Variants in BMPR1B observed in about 807,000 individuals in gnomAD.
BMPR1B encodes the protein bone morphogenetic protein receptor type 1B, also known as bone morphogenetic protein receptor type-1B.
In BMPR1B, 12 loss-of-function variants were observed where a neutral mutation model predicts 59.1. The observed-to-expected ratio is 0.20, with a 90% confidence interval of 0.13 to 0.33. BMPR1B has a LOEUF of 0.33. Ranked by LOEUF, BMPR1B falls within the 10% of genes least tolerant of loss-of-function variation. The probability of loss-of-function intolerance (pLI) is 1.00; values close to 1 mark genes in which losing one functional copy is unlikely to be tolerated. For synonymous variants in BMPR1B, 237 were observed against 207.3 expected (o/e 1.14, Z -1.23); for missense variants, 550 against 610.9 (o/e 0.90, Z 1.05).
chr4:95,147,064 GT>G (rs1734702676), intron 10 of BMPR1B, among the ~76,000 whole-genome samples: 2 of 151,842 alleles, frequency 1.3e-5, no homozygotes. Context: ...CATCTGTTTT[GT>G]TTTTTAATTA....
chr4:94,927,730 C>G (rs1031253956), intron 2 of BMPR1B, among the ~76,000 whole-genome samples: 1 of 152,052 alleles, frequency 6.6e-6, no homozygotes, highest in Admixed American at 6.6e-5. Flanking sequence ...AGGGGAGAAC[C>G]ATTGAAAGCT....
chr4:94,902,865 T>C (rs980953194), intron 2 of BMPR1B, among the ~76,000 whole-genome samples: 10 of 152,016 alleles, frequency 6.6e-5, no homozygotes, highest in African/African-American at 2.4e-4. Context: ...TTCTTTGTTT[T>C]GCTTATTCTC....
intron 3 of BMPR1B, among the ~76,000 whole-genome samples, chr4:95,049,453 T>G (rs1726292129): frequency 2.0e-5 from 2 of 98,398 alleles, no homozygotes; most frequent in South Asian, 6.9e-4. Context: ...TTTTTTTTTT[T>G]TTTTTTTTTT....
intron 2 of BMPR1B, among the ~76,000 whole-genome samples, chr4:94,953,162 G>A (rs564319202): frequency 3.3e-5 from 5 of 152,124 alleles, no homozygotes; most frequent in South Asian, 2.1e-4. Flanking sequence ...GTCTCTGCAC[G>A]TGAGATGGGT....
At chr4:95,119,843 G>A (rs1364692604) in intron 6 of BMPR1B, among the ~76,000 whole-genome samples, 1 of 152,048 alleles carries the variant, frequency 6.6e-6, no homozygotes, top group Non-Finnish European at 1.5e-5. Context: ...AATTCATAGT[G>A]GATTTTTGTT....
intron 1 of BMPR1B, among the ~76,000 whole-genome samples, chr4:94,786,116 C>T (rs541700471): frequency 2.6e-5 from 4 of 152,080 alleles, no homozygotes; most frequent in East Asian, 1.9e-4. Context: ...CATAATAATT[C>T]GGGTATTATG....
chr4:94,843,998 CA>C (rs1725209901), intron 1 of BMPR1B, among the ~76,000 whole-genome samples: 3 of 91,498 alleles, frequency 3.3e-5, no homozygotes, highest in African/African-American at 1.3e-4. Context: ...TGGTGGTCCC[CA>C]GGGGCTGGGG....
chr4:94,827,144 C>G (rs1311317832), intron 1 of BMPR1B, among the ~76,000 whole-genome samples: 1 of 152,040 alleles, frequency 6.6e-6, no homozygotes, highest in Non-Finnish European at 1.5e-5. Context: ...TCATCCCCCT[C>G]TGTGTCTCTC....
chr4:94,903,864 G>A (rs1370990487), intron 2 of BMPR1B, among the ~76,000 whole-genome samples: 1 of 151,964 alleles, frequency 6.6e-6, no homozygotes, highest in Non-Finnish European at 1.5e-5. Flanking sequence ...AAGCAGCCCT[G>A]TGGACACCTT....
At chr4:94,974,984 A>G (rs1730958306) in intron 2 of BMPR1B, among the ~76,000 whole-genome samples, 1 of 152,216 alleles carries the variant, frequency 6.6e-6, no homozygotes, top group Non-Finnish European at 1.5e-5. Context: ...GACAGATTAC[A>G]CATAGCCCAA....
intron 1 of BMPR1B, among the ~76,000 whole-genome samples, chr4:94,844,979 G>GA (rs886396724): frequency 6.6e-6 from 1 of 152,080 alleles, no homozygotes; most frequent in Non-Finnish European, 1.5e-5. Flanking sequence ...GAGTAAAGAG[G>GA]AAAAATTAAA....
At chr4:94,993,240 A>G (rs1312287074) in intron 2 of BMPR1B, among the ~76,000 whole-genome samples, 1 of 152,032 alleles carries the variant, frequency 6.6e-6, no homozygotes, top group East Asian at 1.9e-4. Flanking sequence ...TGGCAGTTGA[A>G]TGGGTAGTTT....
intron 3 of BMPR1B, among the ~76,000 whole-genome samples, chr4:95,096,497 C>T (rs180750655): frequency 1.2e-3 from 176 of 150,296 alleles, no homozygotes; most frequent in Middle Eastern, 0.01. Context: ...TGTATTATTC[C>T]TTATAAGAAT....
Position 95,124,996 on chromosome 4 carries a change from G to A in BMPR1B, c.460G>A (p.Glu154Lys), listed in dbSNP as rs1172006396. 6.2e-7 allele frequency: 1 copy of A among 1,612,922 alleles called. No individual in the cohort carries two copies. Among genetic ancestry groups the A allele is most frequent in the Non-Finnish European group, 8.5e-7 (1 of 1,179,152 alleles). Residue 154 changes from glutamate to lysine, a missense_variant, in exon 8 of 13, where the codon GAA becomes AAA. Coordinates refer to ENST00000515059, the MANE Select transcript of BMPR1B (RefSeq NM_001203.3). ...ATCCATCTTTAGGTATAAAAGACAAGAAACCAGACCTCGATACAGCATTGG... is the reference window on the plus strand; with the variant it reads ...ATCCATCTTTAGGTATAAAAGACAAAAAACCAGACCTCGATACAGCATTGG... ...LFCYFRYKRQ[E>K]TRPRYSIGLE... is the part of the protein sequence containing the mutation.
intron 2 of BMPR1B, among the ~76,000 whole-genome samples, chr4:94,909,704 ATTAT>A (rs1728202015): frequency 6.6e-6 from 1 of 151,876 alleles, no homozygotes; most frequent in Non-Finnish European, 1.5e-5. Context: ...TCTCACTATA[ATTAT>A]TTGTGAGAAG....
At chr4:94,922,950 C>T (rs1213705048) in intron 2 of BMPR1B, among the ~76,000 whole-genome samples, 2 of 151,994 alleles carry the variant, frequency 1.3e-5, no homozygotes, top group Admixed American at 6.6e-5. Flanking sequence ...TTTTGAGTTC[C>T]GAAGAGCCAA....
intron 3 of BMPR1B, among the ~76,000 whole-genome samples, chr4:95,068,937 T>C (rs370219113): frequency 6.6e-6 from 1 of 152,202 alleles, no homozygotes; most frequent in Non-Finnish European, 1.5e-5. Context: ...AAATGACATA[T>C]AATGAAACCA....
intron 1 of BMPR1B, among the ~76,000 whole-genome samples, chr4:94,763,155 T>G (rs1258042835): frequency 6.6e-6 from 1 of 152,268 alleles, no homozygotes; most frequent in East Asian, 1.9e-4. Flanking sequence ...TGAGCATCCT[T>G]GAATGAGCAT....
intron 3 of BMPR1B, among the ~76,000 whole-genome samples, chr4:95,062,060 C>T (rs2060419): frequency 0.042 from 6,380 of 152,196 alleles, 459 homozygotes; most frequent in African/African-American, 0.15. Context: ...TTCCTGAGGC[C>T]TCACCAGCCA....
Sources: allele counts gnomAD v4.1 joint callset (sites outside exome capture counted in the v4.1 genomes callset), GRCh38; gene constraint gnomAD v4.1.1; transcripts MANE v1.5; gene names NCBI Gene and HGNC (gene_info 2026-07-23, HGNC 2026-07-21).